Variants in RNF6 observed in about 807,000 individuals in gnomAD.
The protein encoded by RNF6 is ring finger protein 6.
In RNF6, 21 loss-of-function variants were observed where a neutral mutation model predicts 50.1. The observed-to-expected ratio is 0.42, with a 90% CI of 0.30 to 0.60. The LOEUF (loss-of-function observed/expected upper bound fraction) is 0.60, where lower values mean the gene tolerates loss of function less well. Ranked by LOEUF, RNF6 falls within the 20% of genes least tolerant of loss-of-function variation. RNF6 has a pLI of 0.20. For missense variants in RNF6, 698 were observed against 838.2 expected (o/e 0.83, Z 2.07); for synonymous variants, 255 against 291.8 (o/e 0.87, Z 1.29).
At chr13:26,149,278 C>A (rs1871428013) in intron 5 of RNF6, 1 of 152,066 alleles carries the variant, frequency 6.6e-6, no homozygotes, top group African/African-American at 2.4e-5. Context: ...ACAAGACGTA[C>A]TAGGTTTAAG....
chr13:26,157,922 G>A (rs1351791377), intron 5 of RNF6, among the ~76,000 whole-genome samples: 1 of 144,432 alleles, frequency 6.9e-6, no homozygotes, highest in East Asian at 2.0e-4. Flanking sequence ...ATGGATGGAT[G>A]GATAGATGGA....
chr13:26,211,744 TGA>T (rs1869335682), downstream of RNF6, among the ~76,000 whole-genome samples: 1 of 152,010 alleles, frequency 6.6e-6, no homozygotes, highest in South Asian at 2.1e-4. Flanking sequence ...GGCAACAGAG[TGA>T]GACTCTGTCT....
chr13:26,145,740 C>T (rs919799661), intron 5 of RNF6, among the ~76,000 whole-genome samples: 1 of 152,204 alleles, frequency 6.6e-6, no homozygotes, highest in Non-Finnish European at 1.5e-5. Context: ...CAAACTAATA[C>T]GATGGGGCAC....
chr13:26,187,552 C>A (rs181133623), intron 5 of RNF6, among the ~76,000 whole-genome samples: 1 of 152,288 alleles, frequency 6.6e-6, no homozygotes, highest in East Asian at 1.9e-4. Context: ...GCGGTCCCCT[C>A]CCCAGGGATT....
At chr13:26,178,830 T>C (rs968412074) in intron 5 of RNF6, among the ~76,000 whole-genome samples, 1 of 152,120 alleles carries the variant, frequency 6.6e-6, no homozygotes, top group Admixed American at 6.6e-5. Flanking sequence ...TTCTACTGTC[T>C]GCTTCTATGA....
At chr13:26,167,337 A>C (rs1380946753) in intron 5 of RNF6, among the ~76,000 whole-genome samples, 1 of 152,212 alleles carries the variant, frequency 6.6e-6, no homozygotes, top group East Asian at 1.9e-4. Context: ...ATCTATAAGG[A>C]ACTTAAACAA....
At chr13:26,150,842 G>A (rs7139682) in intron 5 of RNF6, 49 of 152,152 alleles carry the variant, frequency 3.2e-4, no homozygotes, top group African/African-American at 1.1e-3. Context: ...GCCTGAAATC[G>A]TAAGAAAAAT....
At position 26,188,623 on chromosome 13, in the gene RNF6, C is replaced by CTTTTTTTTTTTTTTTTTTT. The variant is rs1163881143; in HGVS notation, n.768+26832_768+26850dup. 6.9e-5 allele frequency among the ~76,000 whole-genome samples: 3 copies of CTTTTTTTTTTTTTTTTTTT among 43,272 alleles called. 1 individual carries two copies. The highest frequency in any genetic ancestry group is 1.1e-4 in the African/African-American group (1 of 9,168). 28.4% of individuals were successfully genotyped at this position (43,272 alleles called of 152,430 possible). A position where few individuals can be genotyped will look rare whatever the true frequency, so the allele number is the denominator to read the frequency against. On this transcript the variant is annotated intron_variant and non_coding_transcript_variant, in intron 5 of 5. Transcript: ENST00000468480. ...GCTTTAGTTGGACAAGTCAAAAGAG[C>CTTTTTTTTTTTTTTTTTTT]TTTTTTTTTTTTTTTTTTTTTTTTT... is the stretch of plus-strand genomic sequence containing the variant.
chr13:26,164,970 G>T (rs553444701), intron 5 of RNF6, among the ~76,000 whole-genome samples: 6 of 152,120 alleles, frequency 3.9e-5, no homozygotes, highest in African/African-American at 9.7e-5. Flanking sequence ...ACAATGAGCC[G>T]AATGTTAATC....
At chr13:26,165,034 C>A (rs566391674) in intron 5 of RNF6, among the ~76,000 whole-genome samples, 60 of 152,172 alleles carry the variant, frequency 3.9e-4, no homozygotes, top group African/African-American at 1.2e-3. Context: ...TTCACAGCTG[C>A]CACTCCCATC....
intron 5 of RNF6, among the ~76,000 whole-genome samples, chr13:26,150,537 A>G (rs1182915813): frequency 6.6e-6 from 1 of 152,164 alleles, no homozygotes; most frequent in African/African-American, 2.4e-5. Flanking sequence ...CAGCCGCTTA[A>G]GACTTTGACC....
intron 5 of RNF6, among the ~76,000 whole-genome samples, chr13:26,151,080 T>C (rs1478573248): frequency 6.6e-6 from 1 of 152,244 alleles, no homozygotes; most frequent in African/African-American, 2.4e-5. Flanking sequence ...ATATTAAAAC[T>C]ATCCCTTGAG....
At chr13:26,160,980 C>A (rs1374808732) in intron 5 of RNF6, among the ~76,000 whole-genome samples, 1 of 152,038 alleles carries the variant, frequency 6.6e-6, no homozygotes, top group East Asian at 1.9e-4. Flanking sequence ...CCTTGGAAGA[C>A]CCTATCTCCA....
At position 26,217,162 on chromosome 13, in the gene RNF6, A is replaced by T. The variant is rs1391401108; in HGVS notation, c.289+1349T>A. Among the ~76,000 whole-genome samples the T allele has an allele frequency of 6.6e-5, 10 of 152,240 alleles. No homozygotes were observed. In the South Asian group the frequency reaches 1.9e-3, roughly 28 times the overall value. ...TATTTGATGAGTACATTTTCCACTGAAACATATTCAAAAGATCAGTATTAA... is the reference window on the plus strand; with the variant it reads ...TATTTGATGAGTACATTTTCCACTGTAACATATTCAAAAGATCAGTATTAA... On this transcript the variant is annotated intron_variant, in intron 4 of 4. Coordinates refer to ENST00000381588, the MANE Select transcript of RNF6 (RefSeq NM_005977.4).
chr13:26,174,631 T>C (rs1872865943), intron 5 of RNF6, among the ~76,000 whole-genome samples: 1 of 151,978 alleles, frequency 6.6e-6, no homozygotes, highest in South Asian at 2.1e-4. Context: ...CCCAAAATAT[T>C]GAAACAAAGT....
chr13:26,194,651 T>C (rs910632157), intron 5 of RNF6, among the ~76,000 whole-genome samples: 1 of 152,032 alleles, frequency 6.6e-6, no homozygotes, highest in African/African-American at 2.4e-5. Context: ...GATATATATA[T>C]ATGAGTTTAT....
rs960542915 is a variant in RNF6, at chr13:26,221,306, T to G, written c.-77A>C. The G allele has an allele frequency of 2.6e-5, 4 of 152,216 alleles. No individual in the cohort carries two copies. Among genetic ancestry groups the G allele is most frequent in the African/African-American group, 7.2e-5 (3 of 41,462 alleles). 9.4% of individuals were successfully genotyped at this position (152,216 alleles called of 1,614,324 possible). The stretch of plus-strand genomic sequence containing the variant: ...CCATGGTATCCATCCTTCAATTGTT[T>G]GTGCCTTTTTTGAGAGCTGCCCATC... On this transcript the variant is annotated 5_prime_UTR_variant, in exon 2 of 5. Coordinates refer to ENST00000381588, the MANE Select transcript of RNF6 (RefSeq NM_005977.4).
chr13:26,148,848 A>G (rs1871404861), intron 5 of RNF6, among the ~76,000 whole-genome samples: 1 of 151,578 alleles, frequency 6.6e-6, no homozygotes. Flanking sequence ...AAAGGCCAGC[A>G]GATGCAGGGA....
rs548647540 is a variant in RNF6, at chr13:26,167,865, A to G, written n.769-35414T>C. On this transcript the variant is annotated intron_variant and non_coding_transcript_variant, in intron 5 of 5. Coordinates refer to the RNF6 transcript ENST00000468480. Reference sequence around the variant, plus strand: ...ATACACCATGGGATACTATGCAGCCATAAAAAAGAATAAGATCATATCCTT... The same window carrying G: ...ATACACCATGGGATACTATGCAGCCGTAAAAAAGAATAAGATCATATCCTT... Among the ~76,000 whole-genome samples, 145 of 152,380 alleles carry G rather than the reference A, an allele frequency of 9.5e-4. 4 individuals carry two copies. In the South Asian group the frequency reaches 0.028, roughly 29 times the overall value.
Sources: gnomAD v4.1 joint callset for allele counts (sites outside exome capture counted in the v4.1 genomes callset) on GRCh38, gnomAD v4.1.1 for gene constraint, MANE v1.5 for transcripts, NCBI Gene and HGNC (gene_info 2026-07-23, HGNC 2026-07-21) for gene names.